The following TP73 variants were observed in gnomAD, a reference collection of about 807,000 sequenced individuals.
TP73 encodes the protein p53-like transcription factor.
TP73 carries 25 observed loss-of-function variants against 62.5 expected under a neutral mutation model. The observed-to-expected ratio is 0.40, with a 90% CI of 0.29 to 0.56. TP73 has a LOEUF of 0.56. Ranked by LOEUF, TP73 falls within the 20% of genes least tolerant of loss-of-function variation. The pLI, the probability that TP73 is intolerant of heterozygous loss-of-function variation, is 0.46. For synonymous variants in TP73, 423 were observed against 377.5 expected (o/e 1.12, Z -1.40); for missense variants, 754 against 913.3 (o/e 0.83, Z 2.25).
chr1:3,678,069 G>A (rs1264490731), intron 1 of TP73, among the ~76,000 whole-genome samples: 1 of 152,158 alleles, frequency 6.6e-6, no homozygotes, highest in Non-Finnish European at 1.5e-5. Flanking sequence ...TGCATTTTAT[G>A]ATGTTGATAA....
chr1:3,706,364 CCGCAGGCCCGGGGAGGGGGG>C (rs1412239427), intron 3 of TP73, among the ~76,000 whole-genome samples: 9 of 149,868 alleles, frequency 6.0e-5, no homozygotes, highest in South Asian at 2.1e-4. Context: ...ACGGTGCCCG[CCGCAGGCCCGGGGAGGGGGG>C]TAATAGGGAC....
chr1:3,731,514 A>G lies in TP73; in HGVS notation c.1536A>G (p.Gln512=). The change falls in exon 13 of 14, where the codon CAA becomes CAG. Residue 512 remains glutamine, a synonymous_variant. Coordinates refer to ENST00000378295, the MANE Select transcript of TP73 (RefSeq NM_005427.4). Reference sequence around the variant, plus strand: ...ACTGCATCGAGTATTTCACCTCCCAAGGGTTACAGAGCATTTACCACCTGC... The same window carrying G: ...ACTGCATCGAGTATTTCACCTCCCAGGGGTTACAGAGCATTTACCACCTGC... ...CPNCIEYFTS[Q]GLQSIYHLQN... 3 of 1,613,836 alleles carry G rather than the reference A, an allele frequency of 1.9e-6. No homozygotes were observed. The highest frequency in any genetic ancestry group is 2.5e-6 in the Non-Finnish European group (3 of 1,180,022).
chr1:3,686,766 C>A (rs1645667280), intron 3 of TP73, among the ~76,000 whole-genome samples: 3 of 152,152 alleles, frequency 2.0e-5, no homozygotes, highest in South Asian at 4.1e-4. Flanking sequence ...GCTGGGGGCT[C>A]CGAGGCCAGG....
At position 3,728,196 on chromosome 1, in the gene TP73, C is replaced by T. The variant is rs752617133; in HGVS notation, c.1053C>T (p.Asp351=). 1.4e-5 allele frequency: 22 copies of T among 1,611,814 alleles called. No homozygotes were observed. The highest frequency in any genetic ancestry group is 8.0e-5 in the African/African-American group (6 of 74,940). The part of the protein sequence containing the change: ...GAGVKKRRHG[D]EDTYYLQVRG... ...GTGTGAAGAAGCGGCGGCATGGAGA[C>T]GAGGACACGTACTACCTTCAGGTGA... The change falls in exon 9 of 14, where the codon GAC becomes GAT. Residue 351 remains aspartate (D), a synonymous_variant. Transcript: ENST00000378295.
Position 3,730,942 on chromosome 1 carries a change from A to G in TP73, c.1361A>G (p.Asn454Ser). The change falls in exon 12 of 14, where the codon AAC (asparagine) becomes AGC (serine). Residue 454 changes from asparagine to serine, a missense_variant. By Grantham distance (46) the Asn-to-Ser change is conservative. Coordinates refer to ENST00000378295, the MANE Select transcript of TP73 (RefSeq NM_005427.4). ...TCTCACCCAGGCCCCGGGATGCTCA[A>G]CAACCATGGCCACGCAGTGCCAGCC... ...NLGPVGPGML[N>S]NHGHAVPANG... 2 of 1,608,680 alleles carry G rather than the reference A, an allele frequency of 1.2e-6. No individual in the cohort carries two copies. Among genetic ancestry groups the G allele is most frequent in the Non-Finnish European group, 1.7e-6 (2 of 1,178,194 alleles).
rs764022846 is a variant in TP73 at position 3,729,328 on chromosome 1, T to A, written c.1076T>A (p.Val359Glu). 6.2e-7 allele frequency: 1 copy of A among 1,613,016 alleles called. No homozygotes were observed. The highest frequency in any genetic ancestry group is 8.5e-7 in the Non-Finnish European group (1 of 1,179,960). Residue 359 changes from valine (V) to glutamate (E), a missense_variant and splice_region_variant, in exon 10 of 14, where the codon GTG becomes GAG. Coordinates refer to ENST00000378295, the MANE Select transcript of TP73 (RefSeq NM_005427.4). ...AGAGATCTGCTCCTCTGTGCTCAGG[T>A]GCGAGGCCGGGAGAACTTTGAGATC... is the stretch of plus-strand genomic sequence containing the variant. ...HGDEDTYYLQ[V>E]RGRENFEILM...
In TP73 at chr1:3,731,539, C is replaced by A; in HGVS notation, c.1561C>A (p.Gln521Lys). The stretch of plus-strand genomic sequence containing the variant: ...AGGGTTACAGAGCATTTACCACCTG[C>A]AGAACCTGACCATTGAGGTAACGCC... ...SQGLQSIYHL[Q>K]NLTIEDLGAL... Residue 521 changes from glutamine to lysine, a missense_variant, in exon 13 of 14, where the codon CAG (glutamine) becomes AAG (lysine). Physicochemically the swap from Gln to Lys is moderately conservative, Grantham distance 53. Transcript: ENST00000378295. 6.2e-7 allele frequency: 1 copy of A among 1,613,828 alleles called. No homozygotes were observed.
intron 6 of TP73, among the ~76,000 whole-genome samples, chr1:3,724,672 G>A (rs1641359133): frequency 6.6e-6 from 1 of 152,256 alleles, no homozygotes; most frequent in African/African-American, 2.4e-5. Flanking sequence ...TTTGTCCCCA[G>A]GGTGACATGA....
intron 7 of TP73, 24 bp from the exon 8 acceptor site, chr1:3,727,604 A>G (rs762113266): frequency 1.9e-6 from 3 of 1,587,824 alleles, no homozygotes; most frequent in East Asian, 4.5e-5. Context: ...TGAGCTCACA[A>G]TTCTGGCTGT....
At position 3,731,463 on chromosome 1, in the gene TP73, T is replaced by G. The variant is rs759472201; in HGVS notation, c.1485T>G (p.Ser495Arg). Residue 495 changes from serine (S) to arginine (R), a missense_variant and splice_region_variant, in exon 13 of 14, where the codon AGT (serine) becomes AGG (arginine). Physicochemically the swap from Ser to Arg is moderately radical, Grantham distance 110 (BLOSUM62 -1). Coordinates refer to ENST00000378295, the MANE Select transcript of TP73 (RefSeq NM_005427.4). ...TTCCTTTCTCAAATTCTCTCTGCAG[T>G]TTTTTAACAGGATTGGGGTGTCCAA... ...PPYHADPSLV[S>R]FLTGLGCPNC... 2.5e-6 allele frequency: 4 copies of G among 1,613,414 alleles called. No individual in the cohort carries two copies. In the Admixed American group the frequency reaches 6.7e-5, roughly 27 times the overall value.
Position 3,679,372 on chromosome 1 carries a change from G to A in TP73, c.-33-2961G>A, listed in dbSNP as rs115935584. On this transcript the variant is annotated intron_variant, in intron 1 of 13. Coordinates refer to ENST00000378295, the MANE Select transcript of TP73 (RefSeq NM_005427.4). ...TCACGGAACCCCTGGACCTCCAGTA[G>A]GGGTGCGGCGGGATGCCGTCGGCTC... is the stretch of plus-strand genomic sequence containing the variant. 9.5e-3 allele frequency among the ~76,000 whole-genome samples: 1,442 copies of A among 152,300 alleles called. 17 individuals are homozygous for A. The highest frequency in any genetic ancestry group is 0.033 in the African/African-American group (1,354 of 41,556).
At chr1:3,692,868 G>A (rs1645888238) in intron 3 of TP73, among the ~76,000 whole-genome samples, 2 of 152,224 alleles carry the variant, frequency 1.3e-5, no homozygotes, top group East Asian at 1.9e-4. Flanking sequence ...CTGCTGCCCT[G>A]GCCTGCAGAC....
chr1:3,680,015 G>GTC (rs761935426), intron 1 of TP73, among the ~76,000 whole-genome samples: 8 of 147,668 alleles, frequency 5.4e-5, no homozygotes, highest in Non-Finnish European at 1.0e-4. Context: ...CTTTGTCCTT[G>GTC]TCTCTCTCTC....
At chr1:3,725,537 T>C (rs948526151) in intron 6 of TP73, among the ~76,000 whole-genome samples, 23 of 70,548 alleles carry the variant, frequency 3.3e-4, no homozygotes, top group Non-Finnish European at 5.3e-4. Flanking sequence ...GATGGATGAA[T>C]AGGGTGGGCG....
chr1:3,656,953 G>C (rs779603043), intron 1 of TP73, among the ~76,000 whole-genome samples: 23 of 152,368 alleles, frequency 1.5e-4, no homozygotes, highest in Admixed American at 1.0e-3. Flanking sequence ...TCCGGTAATA[G>C]CTGCAGCATC....
intron 3 of TP73, among the ~76,000 whole-genome samples, chr1:3,705,849 G>T (rs527387198): frequency 6.6e-6 from 1 of 152,210 alleles, no homozygotes; most frequent in Non-Finnish European, 1.5e-5. Context: ...TGCGGCCCTC[G>T]TCAGGGACCT....
intron 4 of TP73, among the ~76,000 whole-genome samples, chr1:3,718,618 C>T (rs1174503283): frequency 6.6e-6 from 1 of 152,144 alleles, no homozygotes; most frequent in Admixed American, 6.5e-5. Flanking sequence ...GTTGAGACTC[C>T]ATGGGGCTGT....
At chr1:3,660,344 C>T (rs1438689605) in intron 1 of TP73, among the ~76,000 whole-genome samples, 1 of 152,228 alleles carries the variant, frequency 6.6e-6, no homozygotes, top group Non-Finnish European at 1.5e-5. Flanking sequence ...CAACGGGTTT[C>T]ATTGGCTCCA....
At position 3,730,956 on chromosome 1, in the gene TP73, G is replaced by A. The variant is rs763689386; in HGVS notation, c.1375G>A (p.Ala459Thr). Residue 459 changes from alanine (A) to threonine (T), a missense_variant, in exon 12 of 14, where the codon GCA (alanine) becomes ACA (threonine). Physicochemically the swap from Ala to Thr is moderately conservative, Grantham distance 58 (BLOSUM62 0). Coordinates refer to ENST00000378295, the MANE Select transcript of TP73 (RefSeq NM_005427.4). Reference sequence around the variant, plus strand: ...CGGGATGCTCAACAACCATGGCCACGCAGTGCCAGCCAACGGCGAGATGAG... The same window carrying A: ...CGGGATGCTCAACAACCATGGCCACACAGTGCCAGCCAACGGCGAGATGAG... ...GPGMLNNHGH[A>T]VPANGEMSSS... is the part of the protein sequence containing the mutation. The A allele has an allele frequency of 9.9e-6, 16 of 1,610,606 alleles. No individual in the cohort carries two copies. The highest frequency in any genetic ancestry group is 7.7e-5 in the South Asian group (7 of 90,686).
Sources: gnomAD v4.1 joint callset for allele counts (sites outside exome capture counted in the v4.1 genomes callset) on GRCh38, gnomAD v4.1.1 for gene constraint, MANE v1.5 for transcripts, NCBI Gene and HGNC (gene_info 2026-07-23, HGNC 2026-07-21) for gene names.